NR3C2: variants seen among roughly 807,000 people sequenced by gnomAD.
NR3C2 encodes the protein nuclear receptor subfamily 3 group C member 2.
In NR3C2, 15 loss-of-function variants were observed where a neutral mutation model predicts 86.4. The ratio of observed to expected loss-of-function variants is 0.17; its 90% confidence interval spans 0.12 to 0.27. The LOEUF is 0.27. Ranked by LOEUF, NR3C2 falls within the 10% of genes least tolerant of loss-of-function variation. NR3C2 has a pLI of 1.00. For synonymous variants in NR3C2, 458 were observed against 450.5 expected, an observed-to-expected ratio of 1.02 and a Z score of -0.21; for missense variants, 960 against 1,195.6, an observed-to-expected ratio of 0.80 and a Z score of 2.91.
At chr4:148,106,019 T>C (rs1731781038) in intron 8 of NR3C2, among the ~76,000 whole-genome samples, 1 of 152,202 alleles carries the variant, frequency 6.6e-6, no homozygotes. Flanking sequence ...TACTGGAAGT[T>C]CTGGCAAGAG....
intron 3 of NR3C2, among the ~76,000 whole-genome samples, chr4:148,259,036 T>C (rs1739962366): frequency 6.6e-6 from 1 of 152,216 alleles, no homozygotes; most frequent in African/African-American, 2.4e-5. Flanking sequence ...CTTGGTTAAC[T>C]TTTTCATTCC....
intron 6 of NR3C2, among the ~76,000 whole-genome samples, chr4:148,129,286 G>C (rs1172584273): frequency 1.3e-5 from 2 of 152,192 alleles, no homozygotes; most frequent in Admixed American, 6.5e-5. Flanking sequence ...AATACTGCAT[G>C]ATTTCACTTA....
At chr4:148,340,092 T>C (rs545861042) in intron 2 of NR3C2, among the ~76,000 whole-genome samples, 35 of 152,052 alleles carry the variant, frequency 2.3e-4, no homozygotes, top group Non-Finnish European at 4.1e-4. Flanking sequence ...TGGATGGAAA[T>C]TACTGGTATC....
intron 2 of NR3C2, among the ~76,000 whole-genome samples, chr4:148,392,288 G>A (rs1028586352): frequency 6.6e-6 from 1 of 152,096 alleles, no homozygotes; most frequent in African/African-American, 2.4e-5. Context: ...TTATCATTTC[G>A]GGTGTTCTAT....
At chr4:148,427,578 A>G (rs1749606912) in intron 2 of NR3C2, among the ~76,000 whole-genome samples, 1 of 151,590 alleles carries the variant, frequency 6.6e-6, no homozygotes, top group African/African-American at 2.4e-5. Flanking sequence ...GAACCCCAGC[A>G]GGGTGAGGAC....
At chr4:148,162,442 G>GCA (rs1734703188) in intron 4 of NR3C2, among the ~76,000 whole-genome samples, 2 of 152,048 alleles carry the variant, frequency 1.3e-5, no homozygotes, top group Non-Finnish European at 2.9e-5. Context: ...AGGAATGTGT[G>GCA]CACACAGAAG....
At chr4:148,176,379 C>T (rs993816169) in intron 4 of NR3C2, among the ~76,000 whole-genome samples, 1 of 152,172 alleles carries the variant, frequency 6.6e-6, no homozygotes, top group African/African-American at 2.4e-5. Flanking sequence ...CAGAGCTGCT[C>T]TTTCCAGACA....
intron 2 of NR3C2, among the ~76,000 whole-genome samples, chr4:148,423,529 T>C (rs1386687803): frequency 1.3e-5 from 2 of 152,154 alleles, no homozygotes; most frequent in East Asian, 3.9e-4. Flanking sequence ...ACAACTTTTA[T>C]CTCCATCACA....
At chr4:148,399,188 T>C (rs1748015864) in intron 2 of NR3C2, among the ~76,000 whole-genome samples, 1 of 152,204 alleles carries the variant, frequency 6.6e-6, no homozygotes, top group Admixed American at 6.5e-5. Context: ...GTTAACTGTC[T>C]CAGTAGGCCT....
intron 8 of NR3C2, among the ~76,000 whole-genome samples, chr4:148,104,531 T>C (rs575267341): frequency 6.6e-6 from 1 of 152,294 alleles, no homozygotes; most frequent in African/African-American, 2.4e-5. Context: ...ATAAATAGTT[T>C]AGCTTGGTGA....
At chr4:148,190,814 AT>A (rs1399821197) in intron 4 of NR3C2, among the ~76,000 whole-genome samples, 1 of 152,216 alleles carries the variant, frequency 6.6e-6, no homozygotes, top group East Asian at 1.9e-4. Context: ...TTTTGGTGTC[AT>A]TTGCATGAAA....
At chr4:148,099,622 T>C (rs1000579984) in intron 8 of NR3C2, among the ~76,000 whole-genome samples, 1 of 152,174 alleles carries the variant, frequency 6.6e-6, no homozygotes, top group Admixed American at 6.5e-5. Flanking sequence ...ATGGAAACAT[T>C]AGAAGGATTT....
chr4:148,139,706 C>T (rs995738824), intron 6 of NR3C2, among the ~76,000 whole-genome samples: 1 of 152,204 alleles, frequency 6.6e-6, no homozygotes, highest in Non-Finnish European at 1.5e-5. Flanking sequence ...GCACAGTGCG[C>T]TTTAATAAGC....
At chr4:148,275,268 G>C (rs1038486156) in intron 2 of NR3C2, among the ~76,000 whole-genome samples, 1 of 152,120 alleles carries the variant, frequency 6.6e-6, no homozygotes, top group East Asian at 1.9e-4. Flanking sequence ...TGTTAGGGTG[G>C]AAGAAAACTT....
At chr4:148,414,468 G>A (rs1748897624) in intron 2 of NR3C2, among the ~76,000 whole-genome samples, 1 of 152,088 alleles carries the variant, frequency 6.6e-6, no homozygotes, top group Admixed American at 6.6e-5. Flanking sequence ...AAATAATAAA[G>A]AGATAAATAA....
At chr4:148,267,684 C>T (rs1740468757) in intron 2 of NR3C2, among the ~76,000 whole-genome samples, 1 of 152,046 alleles carries the variant, frequency 6.6e-6, no homozygotes, top group African/African-American at 2.4e-5. Flanking sequence ...AGGTTGGGAA[C>T]AGCCACATTA....
At chr4:148,169,274 T>C (rs1336937522) in intron 4 of NR3C2, among the ~76,000 whole-genome samples, 1 of 152,208 alleles carries the variant, frequency 6.6e-6, no homozygotes, top group Non-Finnish European at 1.5e-5. Flanking sequence ...TATCAGCTGT[T>C]ATAGTCCACA....
At chr4:148,212,886 G>A (rs552488333) in intron 3 of NR3C2, among the ~76,000 whole-genome samples, 5 of 152,206 alleles carry the variant, frequency 3.3e-5, no homozygotes, top group Admixed American at 6.5e-5. Flanking sequence ...ATGAAGGTTC[G>A]TAATAAAAAT....
intron 8 of NR3C2, among the ~76,000 whole-genome samples, chr4:148,103,669 GA>G (rs1731643891): frequency 6.6e-6 from 1 of 152,194 alleles, no homozygotes; most frequent in Non-Finnish European, 1.5e-5. Flanking sequence ...CTCGCTCTAT[GA>G]ACCTATTCCA....
Sources: gnomAD v4.1 joint callset for allele counts (sites outside exome capture counted in the v4.1 genomes callset) on GRCh38, gnomAD v4.1.1 for gene constraint, MANE v1.5 for transcripts, NCBI Gene and HGNC (gene_info 2026-07-23, HGNC 2026-07-21) for gene names.